The following CDK19 variants were observed in gnomAD, a reference collection of about 807,000 sequenced individuals.
The protein encoded by CDK19 is cyclin dependent kinase 19.
CDK19 carries 20 observed loss-of-function variants against 68.3 expected under a neutral mutation model. The observed-to-expected ratio is 0.29, with a 90% confidence interval of 0.21 to 0.43. CDK19 has a LOEUF of 0.43. Among genes scored for constraint, CDK19 ranks in the 20% least tolerant of loss-of-function variants. The pLI, the probability that CDK19 is intolerant of heterozygous loss-of-function variation, is 1.00. For missense variants in CDK19, 339 were observed against 623.5 expected (o/e 0.54, Z 4.86); for synonymous variants, 221 against 222.8 (o/e 0.99, Z 0.07).
intron 2 of CDK19, among the ~76,000 whole-genome samples, chr6:110,699,402 G>A (rs1441321103): frequency 6.9e-6 from 1 of 145,618 alleles, no homozygotes; most frequent in Non-Finnish European, 1.5e-5. Flanking sequence ...TCCAGCTCGG[G>A]CAAGAGAGTA....
Position 110,731,445 on chromosome 6 carries a change from G to A in CDK19, c.204+14681C>T, listed in dbSNP as rs535945872. Among the ~76,000 whole-genome samples, 8 of 152,302 alleles carry A rather than the reference G, an allele frequency of 5.3e-5. No homozygotes were observed. The South Asian group carries it at 1.5e-3, about 28-fold the overall frequency. Reference sequence around the variant, plus strand: ...CCAAGGGCTGAGTTGGGGAGGGGAAGGGGTAATGGGAAATGACTACTACTG... The same window carrying A: ...CCAAGGGCTGAGTTGGGGAGGGGAAAGGGTAATGGGAAATGACTACTACTG... On this transcript the variant is annotated intron_variant, in intron 2 of 12. Transcript: ENST00000368911.
At chr6:110,639,536 C>A (rs1405292485) in intron 4 of CDK19, among the ~76,000 whole-genome samples, 1 of 152,150 alleles carries the variant, frequency 6.6e-6, no homozygotes, top group Non-Finnish European at 1.5e-5. Context: ...AAGTTCCTAA[C>A]CTCCAGACGC....
chr6:110,786,327 G>A (rs935341809), intron 1 of CDK19, among the ~76,000 whole-genome samples: 5 of 151,888 alleles, frequency 3.3e-5, no homozygotes, highest in East Asian at 3.9e-4. Context: ...TAATTCTCTC[G>A]GATCTGTATT....
At chr6:110,750,759 C>T (rs1398828609) in intron 1 of CDK19, among the ~76,000 whole-genome samples, 1 of 152,126 alleles carries the variant, frequency 6.6e-6, no homozygotes, top group Non-Finnish European at 1.5e-5. Flanking sequence ...GGAAGTAGCA[C>T]ATAGATAAGA....
At chr6:110,739,460 T>C (rs1461962488) in intron 2 of CDK19, among the ~76,000 whole-genome samples, 2 of 152,060 alleles carry the variant, frequency 1.3e-5, no homozygotes, top group Non-Finnish European at 2.9e-5. Context: ...AGCCACCAAG[T>C]CTATGGTATT....
Position 110,706,403 on chromosome 6 carries a change from T to TG in CDK19, c.205-35863dup, listed in dbSNP as rs1774480102. 7.4e-5 allele frequency: 5 copies of TG among 67,380 alleles called. 1 individual carries two copies. Among genetic ancestry groups the TG allele is most frequent in the Non-Finnish European group, 1.4e-4 (4 of 28,950 alleles). 4.2% of individuals were successfully genotyped at this position (67,380 alleles called of 1,614,324 possible). A position where few individuals can be genotyped will look rare whatever the true frequency, so the allele number is the denominator to read the frequency against. On this transcript the variant is annotated intron_variant, in intron 2 of 12. Coordinates refer to ENST00000368911, the MANE Select transcript of CDK19 (RefSeq NM_015076.5). ...TCAACAGCATGCTGGGTAACACTGT[T>TG]GTTTTTTTTTTGTTTGTTTTTTTTT...
At chr6:110,763,999 T>C (rs1346683082) in intron 1 of CDK19, among the ~76,000 whole-genome samples, 1 of 151,980 alleles carries the variant, frequency 6.6e-6, no homozygotes, top group African/African-American at 2.4e-5. Context: ...ACAATACCAT[T>C]CACATTAGCA....
intron 1 of CDK19, among the ~76,000 whole-genome samples, chr6:110,786,400 G>C (rs1781224633): frequency 6.6e-6 from 1 of 151,916 alleles, no homozygotes; most frequent in African/African-American, 2.4e-5. Flanking sequence ...TTCCTTAACT[G>C]GCTCTGTCAT....
intron 4 of CDK19, among the ~76,000 whole-genome samples, chr6:110,650,358 T>TA (rs1780885761): frequency 1.3e-5 from 2 of 152,240 alleles, no homozygotes; most frequent in Admixed American, 1.3e-4. Flanking sequence ...ACTTACTGGG[T>TA]AAGTGACAGG....
intron 3 of CDK19, among the ~76,000 whole-genome samples, chr6:110,669,251 C>G (rs1770781201): frequency 6.6e-6 from 1 of 152,178 alleles, no homozygotes; most frequent in Non-Finnish European, 1.5e-5. Flanking sequence ...TCTTTAAGAC[C>G]TGAGTCTGTT....
At chr6:110,809,199 C>T (rs1237537749) in intron 1 of CDK19, among the ~76,000 whole-genome samples, 1 of 147,950 alleles carries the variant, frequency 6.8e-6, no homozygotes, top group Non-Finnish European at 1.5e-5. Context: ...TGGGAGACAG[C>T]GAGACTCCAT....
At chr6:110,643,377 A>G in intron 4 of CDK19, 1 of 351,084 alleles carries the variant, frequency 2.8e-6, no homozygotes, top group Non-Finnish European at 5.4e-6. Flanking sequence ...CATCAGATAA[A>G]ATAGCTTTTA....
chr6:110,678,566 G>A (rs995926754), intron 2 of CDK19, among the ~76,000 whole-genome samples: 2 of 152,044 alleles, frequency 1.3e-5, no homozygotes, highest in East Asian at 3.9e-4. Context: ...ATTTAAAATC[G>A]CAACCACCAT....
In CDK19 at chr6:110,680,389, C is replaced by A. The variant is rs376738216; in HGVS notation, c.205-9848G>T. 1.8e-4 allele frequency among the ~76,000 whole-genome samples: 27 copies of A among 152,216 alleles called. No homozygotes were observed. The South Asian group carries it at 5.6e-3, about 32-fold the overall frequency. ...AAGGAACAGGGGACACAGGGGAACA[C>A]AAGTGAAGCAGATATTAACCTTATT... On this transcript the variant is annotated intron_variant, in intron 2 of 12. Transcript: ENST00000368911.
At chr6:110,777,924 C>G (rs1347174515) in intron 1 of CDK19, among the ~76,000 whole-genome samples, 1 of 152,140 alleles carries the variant, frequency 6.6e-6, no homozygotes, top group Non-Finnish European at 1.5e-5. Flanking sequence ...CAGGTAGGTA[C>G]AGTAGTCAAA....
At chr6:110,725,962 T>C (rs1321394937) in intron 2 of CDK19, among the ~76,000 whole-genome samples, 1 of 152,168 alleles carries the variant, frequency 6.6e-6, no homozygotes, top group African/African-American at 2.4e-5. Context: ...ATAAACTCTT[T>C]CAGAAAGCAT....
At chr6:110,658,797 G>A (rs548578000) in intron 4 of CDK19, among the ~76,000 whole-genome samples, 8 of 152,184 alleles carry the variant, frequency 5.3e-5, no homozygotes, top group Middle Eastern at 3.4e-3. Flanking sequence ...AGTATGAGAC[G>A]ACAGGCATTC....
chr6:110,670,349 T>G (rs1770891540), intron 3 of CDK19, 82 bp downstream of exon 3: 1 of 667,500 alleles, frequency 1.5e-6, no homozygotes, highest in Non-Finnish European at 2.6e-6. Context: ...TTCCTTTCTG[T>G]GCATTAACAA....
chr6:110,753,738 G>T (rs191711453), intron 1 of CDK19, among the ~76,000 whole-genome samples: 223 of 151,760 alleles, frequency 1.5e-3, no homozygotes, highest in Middle Eastern at 3.4e-3. Context: ...TTTTTTTAAG[G>T]TGTTCATATT....
Sources: allele counts gnomAD v4.1 joint callset (sites outside exome capture counted in the v4.1 genomes callset), GRCh38; gene constraint gnomAD v4.1.1; transcripts MANE v1.5; gene names NCBI Gene and HGNC (gene_info 2026-07-23, HGNC 2026-07-21).